Variants in ARMH4 observed in about 807,000 individuals in gnomAD.
ARMH4 encodes the protein armadillo like helical domain containing 4, also known as armadillo-like helical domain-containing protein 4.
Under a neutral mutation model 61.9 loss-of-function variants are expected in ARMH4, and 49 were observed. The ratio of observed to expected loss-of-function variants is 0.79; its 90% confidence interval spans 0.63 to 1.00. The LOEUF is 1.00. ARMH4 is among the 50% of genes least tolerant of loss of function. The pLI, the probability that ARMH4 is intolerant of heterozygous loss-of-function variation, is 0.00. For synonymous variants in ARMH4, 368 were observed against 341.5 expected, an observed-to-expected ratio of 1.08 and a Z score of -0.85; for missense variants, 934 against 930.0, an observed-to-expected ratio of 1.00 and a Z score of -0.06.
intron 5 of ARMH4, among the ~76,000 whole-genome samples, chr14:58,078,378 T>C (rs147408174): frequency 9.8e-4 from 150 of 152,366 alleles, no homozygotes; most frequent in African/African-American, 3.4e-3. Flanking sequence ...TTCCTCTGGC[T>C]GTAACCTGTA....
At chr14:58,032,282 T>C (rs1594705840) in intron 5 of ARMH4, among the ~76,000 whole-genome samples, 1 of 152,176 alleles carries the variant, frequency 6.6e-6, no homozygotes, top group South Asian at 2.1e-4. Context: ...TCTTCTACCA[T>C]AATATATTCT....
intron 5 of ARMH4, among the ~76,000 whole-genome samples, chr14:58,061,444 A>C (rs11848881): frequency 0.017 from 2,629 of 152,232 alleles, 82 homozygotes; most frequent in African/African-American, 0.06. Flanking sequence ...CTGCCTGCCT[A>C]GAATCAATCC....
intron 4 of ARMH4, among the ~76,000 whole-genome samples, chr14:58,103,276 G>C (rs995264537): frequency 6.6e-6 from 1 of 152,126 alleles, no homozygotes; most frequent in African/African-American, 2.4e-5. Flanking sequence ...GAAGCTGGAA[G>C]AGGCAGGAAG....
At position 58,077,265 on chromosome 14, in the gene ARMH4, G is replaced by A. The variant is rs1305672231; in HGVS notation, c.2089+19459C>T. On this transcript the variant is annotated intron_variant, in intron 5 of 7. Transcript: ENST00000267485. ...GTAAGATTTAAAGATGGTAAAGAGT[G>A]AGAATTGATGAAACCATGTATCAGG... Among the ~76,000 whole-genome samples, 8 of 152,280 alleles carry A rather than the reference G, an allele frequency of 5.3e-5. No individual in the cohort carries two copies. The East Asian group carries it at 1.4e-3, about 26-fold the overall frequency.
chr14:58,146,898 T>G (rs572401541), intron 1 of ARMH4, among the ~76,000 whole-genome samples: 1 of 152,182 alleles, frequency 6.6e-6, no homozygotes, highest in Non-Finnish European at 1.5e-5. Flanking sequence ...ATATATAATA[T>G]TAAGGCACAA....
chr14:58,028,768 T>G (rs4901838), intron 5 of ARMH4, among the ~76,000 whole-genome samples: 62,461 of 152,048 alleles, frequency 0.41, 14,119 homozygotes, highest in East Asian at 0.59. Flanking sequence ...ATCAGTTGCA[T>G]ATTTAAAAAT....
In ARMH4 at chr14:58,001,891, T is replaced by C. The variant is rs964262284; in HGVS notation, c.*2845A>G. ...TGCCCCTGCGGTGGGATGCTGGCAGTTCTGGCTGGGTAAACTCAGTCCAGT... is the reference window on the plus strand; with the variant it reads ...TGCCCCTGCGGTGGGATGCTGGCAGCTCTGGCTGGGTAAACTCAGTCCAGT... On this transcript the variant is annotated 3_prime_UTR_variant, in exon 8 of 8. Coordinates refer to ENST00000267485, the MANE Select transcript of ARMH4 (RefSeq NM_001001872.4). 2.0e-5 allele frequency: 3 copies of C among 152,176 alleles called. No individual in the cohort carries two copies. The highest frequency in any genetic ancestry group is 4.4e-5 in the Non-Finnish European group (3 of 68,036). The allele number at this position is 152,176 out of a possible 1,614,324, so 9.4% of individuals were successfully genotyped here. A position where few individuals can be genotyped will look rare whatever the true frequency, so the allele number is the denominator to read the frequency against.
rs1882032569 is a variant in ARMH4, at chr14:58,003,014, C to T, written c.*1722G>A. On this transcript the variant is annotated 3_prime_UTR_variant, in exon 8 of 8. Coordinates refer to ENST00000267485, the MANE Select transcript of ARMH4 (RefSeq NM_001001872.4). ...GTTTATTAGTTCCATAGAGGTGATA[C>T]TCAAATGTATGACTGTAAAGGAAAT... The T allele has an allele frequency of 6.7e-6, 1 of 149,738 alleles. No homozygotes were observed. The highest frequency in any genetic ancestry group is 1.5e-5 in the Non-Finnish European group (1 of 67,390). The allele number at this position is 149,738 out of a possible 1,614,324, so 9.3% of individuals were successfully genotyped here. A position where few individuals can be genotyped will look rare whatever the true frequency, so the allele number is the denominator to read the frequency against.
intron 5 of ARMH4, among the ~76,000 whole-genome samples, chr14:58,038,566 A>T (rs1365966867): frequency 1.4e-5 from 2 of 146,588 alleles, no homozygotes; most frequent in East Asian, 4.9e-4. Context: ...AAAAAATTAA[A>T]AAAAAAAAAA....
intron 5 of ARMH4, among the ~76,000 whole-genome samples, chr14:58,023,996 C>T (rs1882935979): frequency 6.6e-6 from 1 of 152,018 alleles, no homozygotes; most frequent in Admixed American, 6.6e-5. Context: ...CTTTGTTGTT[C>T]CATTTATAGA....
Position 58,138,348 on chromosome 14 carries a change from C to T in ARMH4, c.1011G>A (p.Gln337=), listed in dbSNP as rs768598945. ...TPKLGDNEET[Q]VRTEMSQTAQ... ...CTGTCTGAGACATCTCCGTTCTCAC[C>T]TGAGTCTCTTCATTGTCTCCAAGCT... Residue 337 remains glutamine, a synonymous_variant, in exon 2 of 8, where the codon CAG becomes CAA. Transcript: ENST00000267485. The T allele has an allele frequency of 8.7e-6, 14 of 1,614,196 alleles. No homozygotes were observed. The highest frequency in any genetic ancestry group is 3.3e-5 in the Admixed American group (2 of 60,016).
intron 4 of ARMH4, among the ~76,000 whole-genome samples, chr14:58,119,679 T>C (rs1886655804): frequency 6.6e-6 from 1 of 152,132 alleles, no homozygotes. Context: ...ACGACATGTA[T>C]CTCTTTCTAT....
chr14:58,024,499 C>T (rs890720148), intron 5 of ARMH4, among the ~76,000 whole-genome samples: 1 of 152,172 alleles, frequency 6.6e-6, no homozygotes, highest in African/African-American at 2.4e-5. Flanking sequence ...ACACAGGCCA[C>T]TATAATTCTC....
chr14:58,144,011 C>T (rs1019901530), intron 1 of ARMH4, among the ~76,000 whole-genome samples: 3 of 151,392 alleles, frequency 2.0e-5, no homozygotes, highest in African/African-American at 4.9e-5. Flanking sequence ...TGACCTCAAG[C>T]GATCCACCCA....
At chr14:58,020,135 G>C (rs1042019763) in intron 5 of ARMH4, among the ~76,000 whole-genome samples, 1 of 152,166 alleles carries the variant, frequency 6.6e-6, no homozygotes, top group African/African-American at 2.4e-5. Context: ...AGCTCAAGTA[G>C]TGCTCACAGT....
At chr14:58,087,603 A>ATCATCTGGGT (rs1412008078) in intron 5 of ARMH4, among the ~76,000 whole-genome samples, 1 of 152,192 alleles carries the variant, frequency 6.6e-6, no homozygotes, top group East Asian at 1.9e-4. Flanking sequence ...CAAAGTGAAC[A>ATCATCTGGGT]TCATCTGGGT....
chr14:58,054,877 A>T (rs1274460470), intron 5 of ARMH4, among the ~76,000 whole-genome samples: 1 of 108,482 alleles, frequency 9.2e-6, no homozygotes, highest in Non-Finnish European at 1.8e-5. Flanking sequence ...CTCAAAAAAA[A>T]AAAAAAAATA....
At chr14:58,037,603 A>C (rs1054625051) in intron 5 of ARMH4, among the ~76,000 whole-genome samples, 1 of 18,070 alleles carries the variant, frequency 5.5e-5, no homozygotes, top group Admixed American at 7.2e-4. Context: ...CTACCATCAG[A>C]GTGAACAGGC....
chr14:58,112,940 C>T (rs960139174), intron 4 of ARMH4, among the ~76,000 whole-genome samples: 1 of 152,072 alleles, frequency 6.6e-6, no homozygotes, highest in Non-Finnish European at 1.5e-5. Flanking sequence ...ATTGTTCTTT[C>T]ATTTCATTAC....
Sources: gnomAD v4.1 joint callset for allele counts (sites outside exome capture counted in the v4.1 genomes callset) on GRCh38, gnomAD v4.1.1 for gene constraint, MANE v1.5 for transcripts, NCBI Gene and HGNC (gene_info 2026-07-23, HGNC 2026-07-21) for gene names.